PEAK1: variants seen among roughly 807,000 people sequenced by gnomAD.
PEAK1 encodes pseudopodium enriched atypical kinase 1, also known as inactive tyrosine-protein kinase PEAK1.
A neutral mutation model predicts 124.7 loss-of-function variants in PEAK1; 54 were observed. That is an observed-to-expected ratio of 0.43 (90% confidence interval 0.35 to 0.54). The LOEUF is 0.54. PEAK1 is among the 20% of genes least tolerant of loss of function. The probability of loss-of-function intolerance (pLI) is 0.01; values close to 1 mark genes in which losing one functional copy is unlikely to be tolerated. For missense variants in PEAK1, 2,046 were observed against 2,134.5 expected, an observed-to-expected ratio of 0.96 and a Z score of 0.82; for synonymous variants, 719 against 760.0, an observed-to-expected ratio of 0.95 and a Z score of 0.89.
chr15:77,186,427 C>G (rs2057550332), intron 6 of PEAK1, among the ~76,000 whole-genome samples: 1 of 152,118 alleles, frequency 6.6e-6, no homozygotes, highest in Non-Finnish European at 1.5e-5. Context: ...CACTTATCAA[C>G]AGAATAGCCA....
chr15:77,285,102 G>GTC (rs2062857677), intron 3 of PEAK1, 47 bp from the exon 4 acceptor site: 1 of 149,694 alleles, frequency 6.7e-6, no homozygotes, highest in South Asian at 2.1e-4. Flanking sequence ...AAAAAAGTAA[G>GTC]TCAATAGACA....
chr15:77,350,900 T>C (rs1386643489), intron 2 of PEAK1: 2 of 985,296 alleles, frequency 2.0e-6, no homozygotes, highest in Admixed American at 1.2e-4. Context: ...AGGCATTTAC[T>C]ACAAACATGG....
rs182368210 is a variant in PEAK1 at position 77,285,365 on chromosome 15, C to T, written c.-520-310G>A. Among the ~76,000 whole-genome samples the T allele has an allele frequency of 1.5e-3, 222 of 152,258 alleles. 1 individual carries two copies. Among genetic ancestry groups the T allele is most frequent in the African/African-American group, 5.2e-3 (217 of 41,556 alleles). ...ACTTTTGAGGAATAGAGAATACTCT[C>T]CCCCTTTTTACTTCATCAGAAAGTA... On this transcript the variant is annotated intron_variant, in intron 3 of 9. Transcript: ENST00000682557.
intron 5 of PEAK1, among the ~76,000 whole-genome samples, chr15:77,253,551 T>A (rs1224486706): frequency 6.6e-6 from 1 of 152,240 alleles, no homozygotes; most frequent in African/African-American, 2.4e-5. Context: ...AGTTCTTATA[T>A]TGTATGTCTA....
In PEAK1 at chr15:77,322,455, C is replaced by T. The variant is rs182470016; in HGVS notation, c.-602-35951G>A. On this transcript the variant is annotated intron_variant, in intron 2 of 9. Coordinates refer to ENST00000682557, the MANE Select transcript of PEAK1 (RefSeq NM_001385026.1). ...AAAATGATAAAGGGGATATCACCAC[C>T]GATCCCACAGAAATACAAACTACCA... is the stretch of plus-strand genomic sequence containing the variant. Among the ~76,000 whole-genome samples, 225 of 152,110 alleles carry T rather than the reference C, an allele frequency of 1.5e-3. 6 individuals carry two copies. The East Asian group carries it at 0.03, about 20-fold the overall frequency.
At chr15:77,155,503 T>A (rs2055044056) in intron 8 of PEAK1, 1 of 152,308 alleles carries the variant, frequency 6.6e-6, no homozygotes. Context: ...TCATTCTCCA[T>A]CCAGCTTTGT....
In PEAK1 at chr15:77,109,490, G is replaced by C. The variant is rs2050865238; in HGVS notation, c.*4666C>G. ...ATCTTAGAAGCATCAGGATAAAAAGGCTTGATTTCTTTGGTATAATCTCTC... is the reference window on the plus strand; with the variant it reads ...ATCTTAGAAGCATCAGGATAAAAAGCCTTGATTTCTTTGGTATAATCTCTC... On this transcript the variant is annotated 3_prime_UTR_variant, in exon 10 of 10. Transcript: ENST00000682557. 1 of 152,164 alleles carries C rather than the reference G, an allele frequency of 6.6e-6. No individual in the cohort carries two copies. The highest frequency in any genetic ancestry group is 2.1e-4 in the South Asian group (1 of 4,820). 9.4% of individuals were successfully genotyped at this position (152,164 alleles called of 1,614,324 possible).
intron 6 of PEAK1, among the ~76,000 whole-genome samples, chr15:77,212,652 G>C (rs2058957775): frequency 6.6e-6 from 1 of 152,078 alleles, no homozygotes; most frequent in African/African-American, 2.4e-5. Context: ...ATTCAACATA[G>C]GCCAAAGGAC....
At chr15:77,335,154 C>T in intron 2 of PEAK1, 1 of 985,472 alleles carries the variant, frequency 1.0e-6, no homozygotes, top group Non-Finnish European at 1.2e-6. Context: ...AAACACTGTG[C>T]TTTGTAGGAA....
intron 3 of PEAK1, among the ~76,000 whole-genome samples, chr15:77,285,309 TA>T (rs1398061229): frequency 6.6e-6 from 1 of 152,178 alleles, no homozygotes; most frequent in Admixed American, 6.5e-5. Context: ...TAAGTGCTTA[TA>T]AACGTTAGTT....
In PEAK1 at chr15:77,179,117, G is replaced by C. The variant is rs1299884927; in HGVS notation, c.2810C>G (p.Thr937Arg). The C allele has an allele frequency of 6.2e-7, 1 of 1,614,170 alleles. No homozygotes were observed. Among genetic ancestry groups the C allele is most frequent in the Admixed American group, 1.7e-5 (1 of 60,014 alleles). Residue 937 changes from threonine (T) to arginine (R), a missense_variant, in exon 7 of 10, where the codon ACA (threonine) becomes AGA (arginine). Transcript: ENST00000682557. ...TTTCTCTTTGTCATCCTCCTCATCT[G>C]TTTTCCGACGGCGGAAGAAGCTTTT... ...SFKSFFRRRK[T>R]DEEDDKEKER...
intron 2 of PEAK1, among the ~76,000 whole-genome samples, chr15:77,358,824 A>G (rs142825533): frequency 7.2e-4 from 110 of 152,346 alleles, no homozygotes; most frequent in African/African-American, 2.3e-3. Flanking sequence ...AGAAATTTTA[A>G]TGGATAATGA....
intron 1 of PEAK1, among the ~76,000 whole-genome samples, chr15:77,396,264 A>G (rs1597591452): frequency 6.6e-6 from 1 of 152,216 alleles, no homozygotes; most frequent in Non-Finnish European, 1.5e-5. Flanking sequence ...CATACAACAA[A>G]TACACAAAAA....
At chr15:77,187,399 T>C (rs951051570) in intron 6 of PEAK1, among the ~76,000 whole-genome samples, 2 of 151,934 alleles carry the variant, frequency 1.3e-5, no homozygotes, top group African/African-American at 4.8e-5. Flanking sequence ...AGTCCAACAG[T>C]TTCAGGCAGA....
At chr15:77,277,980 A>C (rs931597566) in intron 5 of PEAK1, among the ~76,000 whole-genome samples, 4 of 152,170 alleles carry the variant, frequency 2.6e-5, no homozygotes, top group Non-Finnish European at 5.9e-5. Context: ...CAACACCAAG[A>C]GTGAACCCTA....
At chr15:77,247,457 T>C (rs2060639908) in intron 6 of PEAK1, among the ~76,000 whole-genome samples, 1 of 149,482 alleles carries the variant, frequency 6.7e-6, no homozygotes, top group Non-Finnish European at 1.5e-5. Context: ...GGTTTTTAAT[T>C]TTTTTTTTCT....
rs979809501 is a variant in PEAK1 at position 77,179,114 on chromosome 15, T to C, written c.2813A>G (p.Asp938Gly). Reference protein sequence around the residue: ...FKSFFRRRKTDEEDDKEKERE... With the variant: ...FKSFFRRRKTGEEDDKEKERE... Reference sequence around the variant, plus strand: ...CTCTTTCTCTTTGTCATCCTCCTCATCTGTTTTCCGACGGCGGAAGAAGCT... The same window carrying C: ...CTCTTTCTCTTTGTCATCCTCCTCACCTGTTTTCCGACGGCGGAAGAAGCT... The change falls in exon 7 of 10, where the codon GAT becomes GGT. Residue 938 changes from aspartate (D) to glycine (G), a missense_variant. Transcript: ENST00000682557. 10 of 1,614,058 alleles carry C rather than the reference T, an allele frequency of 6.2e-6. No individual in the cohort carries two copies. Among genetic ancestry groups the C allele is most frequent in the African/African-American group, 1.3e-5 (1 of 74,928 alleles).
At chr15:77,227,834 C>T (rs2059743360) in intron 6 of PEAK1, among the ~76,000 whole-genome samples, 1 of 150,732 alleles carries the variant, frequency 6.6e-6, no homozygotes, top group Non-Finnish European at 1.5e-5. Context: ...TCCAGGTCAA[C>T]TAAAAAAAAA....
intron 1 of PEAK1, chr15:77,404,102 G>C: frequency 1.0e-6 from 1 of 984,888 alleles, no homozygotes; most frequent in Non-Finnish European, 1.2e-6. Context: ...ATATCCAGTA[G>C]GCCTTTAGAC....
Sources: gnomAD v4.1 joint callset for allele counts (sites outside exome capture counted in the v4.1 genomes callset) on GRCh38, gnomAD v4.1.1 for gene constraint, MANE v1.5 for transcripts, NCBI Gene and HGNC (gene_info 2026-07-23, HGNC 2026-07-21) for gene names.